Variants in MORC2 observed in about 807,000 individuals in gnomAD.
MORC2 encodes MORC family CW-type zinc finger 2.
Under a neutral mutation model 136.0 loss-of-function variants are expected in MORC2, and 30 were observed. That is an observed-to-expected ratio of 0.22 (90% CI 0.17 to 0.30). The LOEUF is 0.30. MORC2 is among the 10% of genes least tolerant of loss of function. The pLI is 1.00. For synonymous variants in MORC2, 439 were observed against 487.0 expected, an observed-to-expected ratio of 0.90 and a Z score of 1.30; for missense variants, 922 against 1,333.1, an observed-to-expected ratio of 0.69 and a Z score of 4.80.
In MORC2 at chr22:30,968,062, A is replaced by G. The variant is rs1283004982; in HGVS notation, c.-173T>C. On this transcript the variant is annotated 5_prime_UTR_variant, in exon 1 of 26. Coordinates refer to ENST00000397641, the MANE Select transcript of MORC2 (RefSeq NM_001303256.3). ...TATATGCAGAGATGTTTAAAACTAC[A>G]ATTTCTTCAAGTGTTTTTTTTTAAT... is the stretch of plus-strand genomic sequence containing the variant. 2 of 553,140 alleles carry G rather than the reference A, an allele frequency of 3.6e-6. No individual in the cohort carries two copies. Among genetic ancestry groups the G allele is most frequent in the African/African-American group, 3.9e-5 (2 of 51,894 alleles). 34.3% of individuals were successfully genotyped at this position (553,140 alleles called of 1,614,324 possible).
At chr22:30,933,933 T>C (rs1174817181) in intron 20 of MORC2, 127 bp downstream of exon 20, 4 of 1,087,094 alleles carry the variant, frequency 3.7e-6, no homozygotes, top group South Asian at 1.5e-5. Context: ...GTGGGGGGGG[T>C]AGACTGCTGG....
rs1439251444 is a variant in MORC2, at chr22:30,937,469, A to G, written c.1498+114T>C. ...CATCGTCAAACAGACTTGGATCCCT[A>G]GGGGACTGTAAGTCCATGAATGTCA... is the stretch of plus-strand genomic sequence containing the variant. On this transcript the variant is annotated intron_variant, in intron 15 of 25. Transcript: ENST00000397641. The surrounding 1 kb of genome is among the most constrained non-coding windows in gnomAD (Gnocchi z 4.7). 1.0e-5 allele frequency: 15 copies of G among 1,462,710 alleles called. No individual in the cohort carries two copies. Among genetic ancestry groups the G allele is most frequent in the Admixed American group, 6.1e-5 (3 of 49,372 alleles). The allele number at this position is 1,462,710 out of a possible 1,614,324, so 90.6% of individuals were successfully genotyped here. A position where few individuals can be genotyped will look rare whatever the true frequency, so the allele number is the denominator to read the frequency against.
intron 24 of MORC2, 153 bp from the exon 25 acceptor site, chr22:30,928,360 T>A (rs1206275418): frequency 1.4e-6 from 1 of 694,632 alleles, no homozygotes; most frequent in African/African-American, 1.8e-5. Context: ...CCTCTTTACG[T>A]CCAGAGTAGA....
At chr22:30,928,503 A>G (rs1008489785) in intron 24 of MORC2, among the ~76,000 whole-genome samples, 6 of 152,292 alleles carry the variant, frequency 3.9e-5, no homozygotes, top group African/African-American at 1.2e-4. Flanking sequence ...TACCATTCCA[A>G]GTGACAAAAA....
chr22:30,955,650 A>G (rs2040955432), intron 3 of MORC2, among the ~76,000 whole-genome samples: 1 of 152,128 alleles, frequency 6.6e-6, no homozygotes, highest in African/African-American at 2.4e-5. Context: ...CACCTCACAC[A>G]TTTCAGAGGA....
chr22:30,964,517 T>G (rs2041095867), intron 1 of MORC2, among the ~76,000 whole-genome samples: 1 of 152,198 alleles, frequency 6.6e-6, no homozygotes, highest in African/African-American at 2.4e-5. Flanking sequence ...TGACTTAATA[T>G]ACACATTTTA....
rs111503768 is a variant in MORC2 at position 30,950,002 on chromosome 22, C to T, written c.227-160G>A. Among the ~76,000 whole-genome samples the T allele has an allele frequency of 6.4e-3, 980 of 152,362 alleles. 18 individuals carry two copies. The highest frequency in any genetic ancestry group is 0.023 in the African/African-American group (942 of 41,584). Reference sequence around the variant, plus strand: ...CACCATGAAGCACATGGAGGCACAGCTTTGCCTGGCCTGTTGGTACCTCTA... The same window carrying T: ...CACCATGAAGCACATGGAGGCACAGTTTTGCCTGGCCTGTTGGTACCTCTA... On this transcript the variant is annotated intron_variant, in intron 4 of 25. Transcript: ENST00000397641.
In MORC2 at chr22:30,926,839, G is replaced by A. The variant is rs138812699; in HGVS notation, c.3063C>T (p.Asp1021=). Residue 1021 remains aspartate, a synonymous_variant, in exon 26 of 26, where the codon GAC becomes GAT. Transcript: ENST00000397641. ...TGGTGATGAGGTCCTCAATGTAGGC[G>A]TCCAGCTCATCATCTGTGTTGATGT... is the stretch of plus-strand genomic sequence containing the variant. ...DIDINTDDEL[D]AYIEDLITKG... 4.5e-5 allele frequency: 73 copies of A among 1,613,660 alleles called. No individual in the cohort carries two copies. The African/African-American group carries it at 5.6e-4, about 12-fold the overall frequency.
chr22:30,931,534 T>C (rs1220805096), intron 24 of MORC2, among the ~76,000 whole-genome samples: 2 of 152,200 alleles, frequency 1.3e-5, no homozygotes, highest in Non-Finnish European at 2.9e-5. Flanking sequence ...ACACATCAGA[T>C]CCTGACTTTC....
At chr22:30,951,664 C>T (rs1281625036) in intron 3 of MORC2, among the ~76,000 whole-genome samples, 1 of 152,208 alleles carries the variant, frequency 6.6e-6, no homozygotes, top group Non-Finnish European at 1.5e-5. Context: ...GGAATCTCCC[C>T]CAAGCTTCAG....
rs150877402 is a variant in MORC2, at chr22:30,940,822, C to T, written c.840G>A (p.Thr280=). The T allele has an allele frequency of 2.8e-5, 45 of 1,614,074 alleles. 1 individual carries two copies. The highest frequency in any genetic ancestry group is 2.7e-4 in the African/African-American group (20 of 75,006). The change falls in exon 10 of 26, where the codon ACG becomes ACA. Residue 280 remains threonine, a synonymous_variant. Coordinates refer to ENST00000397641, the MANE Select transcript of MORC2 (RefSeq NM_001303256.3). Reference sequence around the variant, plus strand: ...CCGCACGGGTCTTGAAACGGCTTGACGTGTACTTGTACATCCTGATCAGTA... The same window carrying T: ...CCGCACGGGTCTTGAAACGGCTTGATGTGTACTTGTACATCCTGATCAGTA... ...CLYKPRMYKY[T]SSRFKTRAEQ...
intron 20 of MORC2, 27 bp from the exon 21 acceptor site, chr22:30,933,547 C>A: frequency 6.2e-7 from 1 of 1,611,860 alleles, no homozygotes; most frequent in Non-Finnish European, 8.5e-7. Flanking sequence ...CTATTAGAGG[C>A]ATCCCCAGTG....
chr22:30,934,931 G>A lies in MORC2; in HGVS notation c.2043C>T (p.Leu681=), dbSNP rs908389720. The A allele has an allele frequency of 5.0e-6, 8 of 1,614,042 alleles. No homozygotes were observed. The highest frequency in any genetic ancestry group is 1.1e-5 in the South Asian group (1 of 91,088). Residue 681 remains leucine (L), a synonymous_variant, in exon 19 of 26, where the codon CTC becomes CTT. Transcript: ENST00000397641. The surrounding 1 kb of genome is among the most constrained non-coding windows in gnomAD (Gnocchi z 4.4). The stretch of plus-strand genomic sequence containing the variant: ...GGGCAGGTCGGGATGCAGTCTTGAC[G>A]AGAGTGTTGGCAGGCTTTCGGGGTG... ...PEAPRKPANT[L]VKTASRPAPL...
intron 6 of MORC2, among the ~76,000 whole-genome samples, chr22:30,943,260 G>A (rs528454081): frequency 2.6e-5 from 4 of 152,176 alleles, no homozygotes; most frequent in Admixed American, 1.3e-4. Flanking sequence ...ACAAACTATA[G>A]TGAAAAAGAA....
At position 30,967,919 on chromosome 22, in the gene MORC2, C is replaced by T. The variant is rs774919019; in HGVS notation, c.-30G>A. 3.4e-5 allele frequency: 50 copies of T among 1,476,302 alleles called. 1 individual carries two copies. The highest frequency in any genetic ancestry group is 2.1e-4 in the South Asian group (17 of 82,492). The allele number at this position is 1,476,302 out of a possible 1,614,324, so 91.5% of individuals were successfully genotyped here. ...GCAATAAGGTCTCCAGCCCTTCACC[C>T]GCTAACTGGGAAATATAACCTTATA... On this transcript the variant is annotated 5_prime_UTR_variant, in exon 1 of 26. Coordinates refer to ENST00000397641, the MANE Select transcript of MORC2 (RefSeq NM_001303256.3).
At chr22:30,948,322 C>T (rs970660724) in intron 5 of MORC2, among the ~76,000 whole-genome samples, 1 of 152,192 alleles carries the variant, frequency 6.6e-6, no homozygotes, top group South Asian at 2.1e-4. Context: ...AGGGCTTCCC[C>T]TGATTCTAGG....
intron 1 of MORC2, among the ~76,000 whole-genome samples, chr22:30,963,933 G>C (rs1451384081): frequency 6.6e-6 from 1 of 152,136 alleles, no homozygotes; most frequent in East Asian, 1.9e-4. Context: ...AGAAATTCTA[G>C]AGCAACTATT....
intron 16 of MORC2, 102 bp downstream of exon 16, chr22:30,936,830 T>G: frequency 7.5e-7 from 1 of 1,324,698 alleles, no homozygotes; most frequent in South Asian, 1.2e-5. Flanking sequence ...TTATTAGGTG[T>G]GGCAAGACAG....
In MORC2 at chr22:30,968,203, G is replaced by A. The variant is rs2041159094; in HGVS notation, c.-314C>T. Reference sequence around the variant, plus strand: ...TCAATTCAGACAATCTGAGTCTCGTGTGGATGGTCCTGAAGGAGATGGTCC... The same window carrying A: ...TCAATTCAGACAATCTGAGTCTCGTATGGATGGTCCTGAAGGAGATGGTCC... On this transcript the variant is annotated 5_prime_UTR_variant, in exon 1 of 26. Coordinates refer to ENST00000397641, the MANE Select transcript of MORC2 (RefSeq NM_001303256.3). 3.4e-6 allele frequency: 1 copy of A among 292,308 alleles called. No individual in the cohort carries two copies. Among genetic ancestry groups the A allele is most frequent in the Non-Finnish European group, 6.6e-6 (1 of 152,084 alleles). The allele number at this position is 292,308 out of a possible 1,614,324, so 18.1% of individuals were successfully genotyped here.
Sources: allele counts gnomAD v4.1 joint callset (sites outside exome capture counted in the v4.1 genomes callset), GRCh38; gene constraint gnomAD v4.1.1; non-coding constraint Gnocchi (gnomAD v3.1); transcripts MANE v1.5; gene names NCBI Gene and HGNC (gene_info 2026-07-23, HGNC 2026-07-21).